Variants in MXRA5 observed in about 807,000 individuals in gnomAD.
MXRA5 encodes matrix-remodeling-associated protein 5.
Under a neutral mutation model 112.5 loss-of-function variants are expected in MXRA5, and 41 were observed. That is an observed-to-expected ratio of 0.36 (90% CI 0.28 to 0.47). The LOEUF is 0.47. Among genes scored for constraint, MXRA5 ranks in the 20% least tolerant of loss-of-function variants. The pLI, the probability that MXRA5 is intolerant of heterozygous loss-of-function variation, is 0.99. For synonymous variants in MXRA5, 862 were observed against 900.8 expected, an observed-to-expected ratio of 0.96 and a Z score of 0.77; for missense variants, 2,150 against 2,251.0, an observed-to-expected ratio of 0.96 and a Z score of 0.91.
rs1240063751 is a variant in MXRA5 at position 3,329,891 on chromosome X, G to C, written c.709+127C>G. The C allele has an allele frequency of 3.7e-6, 3 of 801,023 alleles. No homozygotes were observed. In the East Asian group the frequency reaches 1.0e-4, roughly 27 times the overall value. 66.0% of individuals were successfully genotyped at this position (801,023 alleles called of 1,213,427 possible). On this transcript the variant is annotated intron_variant, in intron 4 of 6. Coordinates refer to ENST00000217939, the MANE Select transcript of MXRA5 (RefSeq NM_015419.4). Reference sequence around the variant, plus strand: ...TCTGAGTTCCTGTCTAGCTGATTGGGTGCTCAGATTTCATCGAAGCTCAGA... The same window carrying C: ...TCTGAGTTCCTGTCTAGCTGATTGGCTGCTCAGATTTCATCGAAGCTCAGA...
At position 3,326,060 on chromosome X, in the gene MXRA5, T is replaced by A. The variant is rs1209504270; in HGVS notation, c.710-1085A>T. Among the ~76,000 whole-genome samples, 18 of 71,886 alleles carry A rather than the reference T, an allele frequency of 2.5e-4. No individual in the cohort carries two copies. The East Asian group carries it at 7.0e-3, about 28-fold the overall frequency. 62.4% of individuals were successfully genotyped at this position (71,886 alleles called of 115,157 possible). A position where few individuals can be genotyped will look rare whatever the true frequency, so the allele number is the denominator to read the frequency against. On this transcript the variant is annotated intron_variant, in intron 4 of 6. Transcript: ENST00000217939. ...ATTTATATATAAATATATTTATATA[T>A]ATTTATACATAAATACATTTATATA...
At chrX:3,340,682 GT>G (rs1921896759) in intron 2 of MXRA5, among the ~76,000 whole-genome samples, 1 of 110,165 alleles carries the variant, frequency 9.1e-6, no homozygotes, top group Admixed American at 1.0e-4. Flanking sequence ...CAGAAATGGT[GT>G]TGTAATTTAG....
intron 5 of MXRA5, 134 bp downstream of exon 5, chrX:3,319,874 C>G (rs1603467924): frequency 2.2e-6 from 1 of 450,838 alleles, no homozygotes; most frequent in Non-Finnish European, 3.6e-6. Flanking sequence ...TAAAAAATTT[C>G]CCCAAATGTG....
intron 2 of MXRA5, among the ~76,000 whole-genome samples, chrX:3,337,886 G>T (rs1921816606): frequency 8.9e-6 from 1 of 111,847 alleles, no homozygotes; most frequent in Admixed American, 9.6e-5. Context: ...ACTTGGAGGG[G>T]AGTAAGTGGG....
At chrX:3,318,325 T>A (rs972036302) in intron 5 of MXRA5, among the ~76,000 whole-genome samples, 1 of 110,597 alleles carries the variant, frequency 9.0e-6, no homozygotes, top group African/African-American at 3.3e-5. Flanking sequence ...ATTTTTGTTT[T>A]TTGTAGAGAC....
chrX:3,330,412 C>T lies in MXRA5; in HGVS notation c.319-4G>A, dbSNP rs769301587. ...TGTTGTAGCTGAACTTGAAAACCTG[C>T]AAGGACAGGGGAAAACAAAACAAAA... On this transcript the variant is annotated splice_region_variant and splice_polypyrimidine_tract_variant and intron_variant, in intron 3 of 6. Transcript: ENST00000217939. 11 of 1,185,370 alleles carry T rather than the reference C, an allele frequency of 9.3e-6. No homozygotes were observed. The highest frequency in any genetic ancestry group is 1.1e-5 in the Non-Finnish European group (10 of 884,638).
chrX:3,338,410 T>A (rs1444851504), intron 2 of MXRA5, among the ~76,000 whole-genome samples: 1 of 110,940 alleles, frequency 9.0e-6, no homozygotes, highest in Non-Finnish European at 1.9e-5. Context: ...GATAGATAGA[T>A]AGACAGCCAG....
rs1445780963 is a variant in MXRA5, at chrX:3,311,127, G to C, written c.7076C>G (p.Pro2359Arg). Reference protein sequence around the residue: ...RNKTYLAVQVPYGDVVTVACE... With the variant: ...RNKTYLAVQVRYGDVVTVACE... ...GGCTACAGTGACCACGTCTCCATAG[G>C]GCACCTGAACCGCCAAGTAAGTCTT... The change falls in exon 7 of 7, where the codon CCC (proline) becomes CGC (arginine). Residue 2359 changes from proline to arginine, a missense_variant. Physicochemically the swap from Pro to Arg is moderately radical, Grantham distance 103 (BLOSUM62 -2). Coordinates refer to ENST00000217939, the MANE Select transcript of MXRA5 (RefSeq NM_015419.4). 7 of 1,211,478 alleles carry C rather than the reference G, an allele frequency of 5.8e-6. No individual in the cohort carries two copies. The highest frequency in any genetic ancestry group is 6.7e-6 in the Non-Finnish European group (6 of 895,479).
chrX:3,336,381 C>T (rs1310658252), intron 2 of MXRA5, among the ~76,000 whole-genome samples: 1 of 111,991 alleles, frequency 8.9e-6, no homozygotes, highest in Non-Finnish European at 1.9e-5. Flanking sequence ...CCTCCACAAT[C>T]CTGTCTGTGG....
At chrX:3,332,118 C>T (rs751385888) in intron 2 of MXRA5, among the ~76,000 whole-genome samples, 4 of 112,562 alleles carry the variant, frequency 3.6e-5, no homozygotes, top group South Asian at 3.7e-4. Context: ...TCCCCTAAGA[C>T]CCAGCCTTAG....
At position 3,317,169 on chromosome X, in the gene MXRA5, G is replaced by A. The variant is rs377737493; in HGVS notation, c.6512C>T (p.Ser2171Leu). The A allele has an allele frequency of 2.5e-6, 3 of 1,206,159 alleles. No homozygotes were observed. Among genetic ancestry groups the A allele is most frequent in the East Asian group, 3.0e-5 (1 of 33,592 alleles). The change falls in exon 6 of 7, where the codon TCG becomes TTG. Residue 2171 changes from serine to leucine, a missense_variant. Around this residue, in one of 6 missense-constraint regions of MXRA5, gnomAD observed 1,485 missense variants for 1,471.6 expected, o/e 1.01. Coordinates refer to ENST00000217939, the MANE Select transcript of MXRA5 (RefSeq NM_015419.4). Reference sequence around the variant, plus strand: ...GAGGATGCGCGGCCAGGGGTCCCCCGAGGCGCTGCAGTCCAGCTTGAGGGT... The same window carrying A: ...GAGGATGCGCGGCCAGGGGTCCCCCAAGGCGCTGCAGTCCAGCTTGAGGGT... The part of the protein sequence containing the change: ...GGTLKLDCSA[S>L]GDPWPRILWR...
rs140423217 is a variant in MXRA5, at chrX:3,343,830, G to A, written c.4C>T (p.Pro2Ser). The change falls in exon 2 of 7, where the codon CCC becomes TCC. Residue 2 changes from proline to serine, a missense_variant. Pro to Ser is a moderately conservative substitution (Grantham distance 74). Around this residue, in one of 6 missense-constraint regions of MXRA5, gnomAD observed 386 missense variants for 411.0 expected, o/e 0.94. Transcript: ENST00000217939. M[P>S]KRAHWGALSV... is the part of the protein sequence containing the mutation. ...AGGGCCCCCCAGTGCGCGCGCTTGG[G>A]CATCTTGTCGGGGTGCCTGATTCTC... 1.2e-5 allele frequency: 14 copies of A among 1,197,845 alleles called. No homozygotes were observed. Among genetic ancestry groups the A allele is most frequent in the Non-Finnish European group, 1.5e-5 (13 of 886,974 alleles).
intron 2 of MXRA5, among the ~76,000 whole-genome samples, chrX:3,338,958 T>TTAGATAGA (rs749467757): frequency 0.054 from 4,328 of 80,741 alleles, 86 homozygotes; most frequent in African/African-American, 0.062. Flanking sequence ...AGATAGATAG[T>TTAGATAGA]TAGATAGATA....
At chrX:3,335,785 C>G (rs1161568785) in intron 2 of MXRA5, among the ~76,000 whole-genome samples, 2 of 112,458 alleles carry the variant, frequency 1.8e-5, no homozygotes, top group African/African-American at 6.5e-5. Flanking sequence ...TGATTTTCTG[C>G]AAAATCACTA....
intron 2 of MXRA5, among the ~76,000 whole-genome samples, chrX:3,341,057 T>TATTATACATAA (rs1569188305): frequency 9.2e-4 from 23 of 24,902 alleles, no homozygotes; most frequent in Non-Finnish European, 2.3e-3. Context: ...ATAATATATA[T>TATTATACATAA]TATATATTAT....
intron 1 of MXRA5, among the ~76,000 whole-genome samples, chrX:3,345,870 C>A (rs1922096005): frequency 8.9e-6 from 1 of 112,632 alleles, no homozygotes; most frequent in Non-Finnish European, 1.9e-5. Flanking sequence ...GGTGGCCCTG[C>A]GAGTCCCCGC....
chrX:3,319,176 T>A (rs1921230451), intron 5 of MXRA5, among the ~76,000 whole-genome samples: 1 of 112,420 alleles, frequency 8.9e-6, no homozygotes, highest in African/African-American at 3.2e-5. Flanking sequence ...AGCTTATACT[T>A]GAAAATTGTT....
At position 3,342,111 on chromosome X, in the gene MXRA5, C is replaced by G. The variant is rs890663208; in HGVS notation, c.188+1535G>C. Among the ~76,000 whole-genome samples the G allele has an allele frequency of 9.9e-5, 11 of 110,644 alleles. 1 individual carries two copies. The highest frequency in any genetic ancestry group is 8.8e-4 in the Admixed American group (9 of 10,226). ...CCAGAGATATAGATGAAGCTGGAAGCCATCATCCTCAGCGAACTAACAAGG... is the reference window on the plus strand; with the variant it reads ...CCAGAGATATAGATGAAGCTGGAAGGCATCATCCTCAGCGAACTAACAAGG... On this transcript the variant is annotated intron_variant, in intron 2 of 6. Transcript: ENST00000217939.
rs147686934 is a variant in MXRA5, at chrX:3,311,116, C to T, written c.7087G>A (p.Val2363Met). 56 of 1,209,643 alleles carry T rather than the reference C, an allele frequency of 4.6e-5. No individual in the cohort carries two copies. In the African/African-American group the frequency reaches 7.7e-4, roughly 17 times the overall value. ...YLAVQVPYGDVVTVACEAKGE... is the reference protein window; with the variant it reads ...YLAVQVPYGDMVTVACEAKGE... ...TTGGCCTCACAGGCTACAGTGACCA[C>T]GTCTCCATAGGGCACCTGAACCGCC... The change falls in exon 7 of 7, where the codon GTG becomes ATG. Residue 2363 changes from valine (V) to methionine (M), a missense_variant. By Grantham distance (21) the Val-to-Met change is conservative (BLOSUM62 1). Coordinates refer to ENST00000217939, the MANE Select transcript of MXRA5 (RefSeq NM_015419.4).
Sources: gnomAD v4.1 joint callset for allele counts (sites outside exome capture counted in the v4.1 genomes callset) on GRCh38, gnomAD v4.1.1 for gene constraint, gnomAD v4.1.1 regional missense constraint, MANE v1.5 for transcripts, NCBI Gene and HGNC (gene_info 2026-07-23, HGNC 2026-07-21) for gene names.